The following COL3A1 variants were observed in gnomAD, a reference collection of about 807,000 sequenced individuals.
COL3A1 encodes the protein collagen type III alpha 1 chain.
A neutral mutation model predicts 200.9 loss-of-function variants in COL3A1; 46 were observed. That is an observed-to-expected ratio of 0.23 (90% CI 0.18 to 0.29). The LOEUF (loss-of-function observed/expected upper bound fraction) is 0.29. Ranked by LOEUF, COL3A1 falls within the 10% of genes least tolerant of loss-of-function variation. COL3A1 has a pLI of 1.00. For synonymous variants in COL3A1, 650 were observed against 628.0 expected, an observed-to-expected ratio of 1.03 and a Z score of -0.52; for missense variants, 1,367 against 1,917.6, an observed-to-expected ratio of 0.71 and a Z score of 5.36.
At position 188,994,533 on chromosome 2, in the gene COL3A1, T is replaced by C. The variant is rs1226243055; in HGVS notation, c.1294-8T>C. The C allele has an allele frequency of 1.2e-5, 20 of 1,614,054 alleles. No individual in the cohort carries two copies. The highest frequency in any genetic ancestry group is 1.7e-5 in the Non-Finnish European group (20 of 1,180,028). On this transcript the variant is annotated splice_polypyrimidine_tract_variant and splice_region_variant and intron_variant, in intron 18 of 50. Coordinates refer to ENST00000304636, the MANE Select transcript of COL3A1 (RefSeq NM_000090.4). The surrounding 1 kb of genome is among the most constrained non-coding windows in gnomAD (Gnocchi z 4.5). Reference sequence around the variant, plus strand: ...CTGTGTTTCAACCAAGACTTTGTTATACTTTAGGGTGAGCCTGGTAAGAAT... The same window carrying C: ...CTGTGTTTCAACCAAGACTTTGTTACACTTTAGGGTGAGCCTGGTAAGAAT...
At chr2:188,987,187 G>A in intron 5 of COL3A1, 48 bp downstream of exon 5, 1 of 1,496,410 alleles carries the variant, frequency 6.7e-7, no homozygotes, top group Non-Finnish European at 9.3e-7. Flanking sequence ...TATCTTTCTG[G>A]TTTGTAAAAT....
At chr2:189,000,541 A>G (rs1380379048) in intron 32 of COL3A1, among the ~76,000 whole-genome samples, 1 of 151,768 alleles carries the variant, frequency 6.6e-6, no homozygotes, top group Non-Finnish European at 1.5e-5. Flanking sequence ...ACATTTGAGT[A>G]TCTTGATTGA....
chr2:188,992,100 T>G (rs2153502156), intron 13 of COL3A1, 84 bp from the exon 14 acceptor site: 1 of 1,356,700 alleles, frequency 7.4e-7, no homozygotes, highest in African/African-American at 1.4e-5. Context: ...CTCAACTCAC[T>G]TGAGTCAGAA....
At chr2:188,988,039 T>G in intron 5 of COL3A1, 42 bp from the exon 6 acceptor site, 1 of 1,440,438 alleles carries the variant, frequency 6.9e-7, no homozygotes, top group Middle Eastern at 1.7e-4. Context: ...AAGTGTATTT[T>G]GCATTCATTT....
In COL3A1 at chr2:189,003,071, C is replaced by G; in HGVS notation, c.2553+9C>G. 3.9e-6 allele frequency: 6 copies of G among 1,532,730 alleles called. No homozygotes were observed. The highest frequency in any genetic ancestry group is 4.4e-6 in the Non-Finnish European group (5 of 1,129,944). The allele number at this position is 1,532,730 out of a possible 1,614,324, so 94.9% of individuals were successfully genotyped here. A position where few individuals can be genotyped will look rare whatever the true frequency, so the allele number is the denominator to read the frequency against. The stretch of plus-strand genomic sequence containing the variant: ...GAGGTTCTGGACCTGCTGTAAGTTC[C>G]TTCCTCTTTCTCTGTCTATCTATCT... On this transcript the variant is annotated intron_variant, in intron 36 of 50. Coordinates refer to ENST00000304636, the MANE Select transcript of COL3A1 (RefSeq NM_000090.4).
chr2:188,992,362 G>C, intron 14 of COL3A1, 134 bp downstream of exon 14: 1 of 782,382 alleles, frequency 1.3e-6, no homozygotes, highest in Non-Finnish European at 2.1e-6. Flanking sequence ...ATACACATTA[G>C]CATCTCTGTT....
At position 188,994,658 on chromosome 2, in the gene COL3A1, C is replaced by G; in HGVS notation, c.1347+64C>G. The G allele has an allele frequency of 1.2e-6, 2 of 1,611,554 alleles. No homozygotes were observed. The highest frequency in any genetic ancestry group is 1.7e-6 in the Non-Finnish European group (2 of 1,178,016). On this transcript the variant is annotated intron_variant, in intron 19 of 50. Transcript: ENST00000304636. The surrounding 1 kb of genome is among the most constrained non-coding windows in gnomAD (Gnocchi z 4.5). Reference sequence around the variant, plus strand: ...AAATGCAACATAATTAGAAAGTAAACAGGTAAAAACTTTGAACTAAATTCA... The same window carrying G: ...AAATGCAACATAATTAGAAAGTAAAGAGGTAAAAACTTTGAACTAAATTCA...
chr2:189,005,079 T>A (rs1259115973), intron 40 of COL3A1, among the ~76,000 whole-genome samples: 1 of 152,174 alleles, frequency 6.6e-6, no homozygotes, highest in Non-Finnish European at 1.5e-5. Context: ...CATGTTTATG[T>A]ATTCATCTCA....
chr2:188,985,867 GA>G (rs924510199), intron 4 of COL3A1, 89 bp downstream of exon 4: 3 of 866,022 alleles, frequency 3.5e-6, no homozygotes, highest in Non-Finnish European at 5.8e-6. Context: ...TCACTATTAT[GA>G]GTTCTTTGTA....
At position 189,009,022 on chromosome 2, in the gene COL3A1, T is replaced by A; in HGVS notation, c.3624T>A (p.Ile1208=). ...GGVGAAAIAG[I]GGEKAGGFAP... ...TTGGAGCCGCTGCCATTGCTGGGAT[T>A]GGAGGTGAAAAAGCTGGCGGTTTTG... Residue 1208 remains isoleucine (I), a synonymous_variant, in exon 48 of 51, where the codon ATT becomes ATA. Transcript: ENST00000304636. 1.2e-6 allele frequency: 2 copies of A among 1,614,182 alleles called. No individual in the cohort carries two copies. Among genetic ancestry groups the A allele is most frequent in the Non-Finnish European group, 1.7e-6 (2 of 1,180,040 alleles).
intron 4 of COL3A1, among the ~76,000 whole-genome samples, chr2:188,986,284 A>G (rs1053192384): frequency 1.3e-5 from 2 of 152,056 alleles, no homozygotes; most frequent in Non-Finnish European, 2.9e-5. Context: ...ATGGCAGCCA[A>G]ATAAATCTGC....
In COL3A1 at chr2:188,996,619, C is replaced by G. The variant is rs575905720; in HGVS notation, c.1761+123C>G. 7.7e-6 allele frequency: 6 copies of G among 783,800 alleles called. No homozygotes were observed. The African/African-American group carries it at 8.8e-5, about 11-fold the overall frequency. The allele number at this position is 783,800 out of a possible 1,614,324, so 48.6% of individuals were successfully genotyped here. A position where few individuals can be genotyped will look rare whatever the true frequency, so the allele number is the denominator to read the frequency against. ...AAAGCATGGAGGAGTATATGAAAAT[C>G]AAATTGCATGTAGGAAGGGAGCTAA... On this transcript the variant is annotated intron_variant, in intron 24 of 50. Coordinates refer to ENST00000304636, the MANE Select transcript of COL3A1 (RefSeq NM_000090.4).
intron 47 of COL3A1, chr2:189,008,711 A>G: frequency 3.3e-6 from 2 of 610,236 alleles, no homozygotes; most frequent in South Asian, 2.0e-5. Flanking sequence ...TGATTCTTAC[A>G]TAGTGGAACA....
Position 188,990,378 on chromosome 2 carries a change from G to A in COL3A1, c.798+18G>A. 6.2e-7 allele frequency: 1 copy of A among 1,609,908 alleles called. No homozygotes were observed. The highest frequency in any genetic ancestry group is 8.5e-7 in the Non-Finnish European group (1 of 1,176,690). On this transcript the variant is annotated intron_variant, in intron 10 of 50. Coordinates refer to ENST00000304636, the MANE Select transcript of COL3A1 (RefSeq NM_000090.4). ...GACACAGAGTAAGTAGAGTTTCTAA[G>A]TTGTTTACAAGGTATTCCACTGGGC...
chr2:188,986,152 C>G (rs1056668499), intron 4 of COL3A1, among the ~76,000 whole-genome samples: 5 of 151,952 alleles, frequency 3.3e-5, no homozygotes, highest in African/African-American at 4.8e-5. Context: ...AATGTCAAAG[C>G]CTCTAAAAGT....
intron 1 of COL3A1, chr2:188,978,159 A>G (rs535609631): frequency 4.5e-6 from 1 of 223,260 alleles, no homozygotes; most frequent in South Asian, 4.9e-5. Context: ...GCCTACATAT[A>G]AAAAGGTATT....
At chr2:188,990,074 T>C in intron 8 of COL3A1, 22 bp from the exon 9 acceptor site, 1 of 1,611,878 alleles carries the variant, frequency 6.2e-7, no homozygotes, top group Non-Finnish European at 8.5e-7. Context: ...AGCACCTACG[T>C]ATTCTTTATT....
At chr2:189,006,303 G>T in intron 42 of COL3A1, 42 bp from the exon 43 acceptor site, 2 of 1,613,742 alleles carry the variant, frequency 1.2e-6, no homozygotes, top group Non-Finnish European at 8.5e-7. Context: ...ATCAAAATAA[G>T]TGATCATCAT....
chr2:189,002,861 T>C, intron 35 of COL3A1, 94 bp from the exon 36 acceptor site: 1 of 967,198 alleles, frequency 1.0e-6, no homozygotes, highest in Non-Finnish European at 1.6e-6. Flanking sequence ...ACTCCTTCCA[T>C]CTGAAGAATT....
Sources: allele counts gnomAD v4.1 joint callset (sites outside exome capture counted in the v4.1 genomes callset), GRCh38; gene constraint gnomAD v4.1.1; non-coding constraint Gnocchi (gnomAD v3.1); transcripts MANE v1.5; gene names NCBI Gene and HGNC (gene_info 2026-07-23, HGNC 2026-07-21).